The following NAPEPLD variants were observed in gnomAD, a reference collection of about 807,000 sequenced individuals.
NAPEPLD encodes N-acyl-phosphatidylethanolamine-hydrolyzing phospholipase D.
A neutral mutation model predicts 38.1 loss-of-function variants in NAPEPLD; 23 were observed. The ratio of observed to expected loss-of-function variants is 0.60; its 90% confidence interval spans 0.43 to 0.86. The LOEUF (loss-of-function observed/expected upper bound fraction) is 0.86, where lower values mean the gene tolerates loss of function less well. Among genes scored for constraint, NAPEPLD ranks in the 40% least tolerant of loss-of-function variants. NAPEPLD has a pLI of 0.00. For missense variants in NAPEPLD, 411 were observed against 476.8 expected, an observed-to-expected ratio of 0.86 and a Z score of 1.28; for synonymous variants, 147 against 162.0, an observed-to-expected ratio of 0.91 and a Z score of 0.71.
chr7:103,149,542 GCCA>G, upstream of NAPEPLD: 1 of 1,215,004 alleles, frequency 8.2e-7, no homozygotes, highest in Non-Finnish European at 1.1e-6. Context: ...TGACAGCAGG[GCCA>G]GCGGTGGCCT....
At chr7:103,132,061 T>G (rs752119341) in intron 1 of NAPEPLD, among the ~76,000 whole-genome samples, 86 of 152,206 alleles carry the variant, frequency 5.7e-4, no homozygotes, top group Admixed American at 1.4e-3. Context: ...TTGCGGAGAC[T>G]CCGTCTAAAA....
chr7:103,112,755 A>T (rs1241368362), intron 4 of NAPEPLD, among the ~76,000 whole-genome samples: 1 of 152,224 alleles, frequency 6.6e-6, no homozygotes, highest in Middle Eastern at 3.4e-3. Flanking sequence ...AGTATAATAA[A>T]AAAAAAAAGA....
At chr7:103,138,811 A>G (rs1810622638) in intron 1 of NAPEPLD, among the ~76,000 whole-genome samples, 1 of 152,172 alleles carries the variant, frequency 6.6e-6, no homozygotes, top group African/African-American at 2.4e-5. Flanking sequence ...ATTGAGACTC[A>G]CTTTCATTCA....
chr7:103,119,879 C>T lies in NAPEPLD; in HGVS notation c.639G>A (p.Leu213=). ...ATTTTTGCATCCAGTCAAGGAGACC[C>T]AAAGGCACAAACCATCTCAACTCAT... ...FGNELRWFVP[L]GLLDWMQKCG... is the part of the protein sequence containing the mutation. The change falls in exon 3 of 5, where the codon TTG becomes TTA. Residue 213 remains leucine (L), a synonymous_variant. Coordinates refer to ENST00000465647, the MANE Select transcript of NAPEPLD (RefSeq NM_001122838.3). The T allele has an allele frequency of 6.2e-7, 1 of 1,614,194 alleles. No homozygotes were observed.
rs1464457410 is a variant in NAPEPLD, at chr7:103,102,784, T to TA, written c.*644dup. On this transcript the variant is annotated 3_prime_UTR_variant, in exon 5 of 5. Coordinates refer to ENST00000465647, the MANE Select transcript of NAPEPLD (RefSeq NM_001122838.3). ...AAAAATGGTTAAAATGGTAAATGTT[T>TA]AAAATGGCAAATATGTATTTATATA... 6.6e-6 allele frequency: 1 copy of TA among 152,648 alleles called. No homozygotes were observed. Among genetic ancestry groups the TA allele is most frequent in the Admixed American group, 6.5e-5 (1 of 15,284 alleles). The allele number at this position is 152,648 out of a possible 1,614,324, so 9.5% of individuals were successfully genotyped here. A position where few individuals can be genotyped will look rare whatever the true frequency, so the allele number is the denominator to read the frequency against.
chr7:103,142,694 C>G (rs1811677900), intron 1 of NAPEPLD, among the ~76,000 whole-genome samples: 1 of 152,180 alleles, frequency 6.6e-6, no homozygotes, highest in Admixed American at 6.5e-5. Context: ...GAAATATAAT[C>G]AGTAATGATT....
At chr7:103,132,073 G>C (rs1809072128) in intron 1 of NAPEPLD, among the ~76,000 whole-genome samples, 1 of 152,106 alleles carries the variant, frequency 6.6e-6, no homozygotes, top group South Asian at 2.1e-4. Context: ...CGTCTAAAAA[G>C]AAAATGATGT....
intron 4 of NAPEPLD, among the ~76,000 whole-genome samples, chr7:103,113,170 G>A (rs1003208761): frequency 6.6e-6 from 1 of 152,098 alleles, no homozygotes; most frequent in Non-Finnish European, 1.5e-5. Flanking sequence ...GTGCATACAC[G>A]CACACATATA....
At chr7:103,137,553 T>C (rs1051868172) in intron 1 of NAPEPLD, among the ~76,000 whole-genome samples, 1 of 152,158 alleles carries the variant, frequency 6.6e-6, no homozygotes, top group Admixed American at 6.5e-5. Context: ...TGAAATAACA[T>C]AGTTATCATC....
intron 4 of NAPEPLD, among the ~76,000 whole-genome samples, chr7:103,105,343 G>A (rs762392451): frequency 6.6e-6 from 1 of 151,890 alleles, no homozygotes; most frequent in Non-Finnish European, 1.5e-5. Flanking sequence ...CACACAACTC[G>A]TAAATTCCTA....
At chr7:103,108,340 A>G (rs1009741498) in intron 4 of NAPEPLD, among the ~76,000 whole-genome samples, 6 of 152,050 alleles carry the variant, frequency 3.9e-5, no homozygotes, top group African/African-American at 9.7e-5. Flanking sequence ...ACGGGGTTTC[A>G]CCATGTTGGT....
chr7:103,139,717 G>A lies in NAPEPLD; in HGVS notation c.-17+9094C>T, dbSNP rs564992140. On this transcript the variant is annotated intron_variant, in intron 1 of 4. Coordinates refer to ENST00000465647, the MANE Select transcript of NAPEPLD (RefSeq NM_001122838.3). ...TTATTCTGCCCGCAGTGTCATGCGT[G>A]GTCCATCCTCTGGGAGAAAAATGAC... Among the ~76,000 whole-genome samples the A allele has an allele frequency of 5.9e-5, 9 of 152,272 alleles. No homozygotes were observed. The South Asian group carries it at 1.9e-3, about 32-fold the overall frequency.
In NAPEPLD at chr7:103,140,479, G is replaced by A. The variant is rs1260304579; in HGVS notation, c.-17+8332C>T. On this transcript the variant is annotated intron_variant, in intron 1 of 4. Transcript: ENST00000465647. ...GTGATCTCGGCTCACTGCAAGCTCCGCCTCCCGGGTTCACGTCATTCTCCT... is the reference window on the plus strand; with the variant it reads ...GTGATCTCGGCTCACTGCAAGCTCCACCTCCCGGGTTCACGTCATTCTCCT... Among the ~76,000 whole-genome samples the A allele has an allele frequency of 7.5e-5, 10 of 133,886 alleles. No homozygotes were observed. The South Asian group carries it at 1.9e-3, about 26-fold the overall frequency. The allele number at this position is 133,886 out of a possible 152,430, so 87.8% of individuals were successfully genotyped here. A position where few individuals can be genotyped will look rare whatever the true frequency, so the allele number is the denominator to read the frequency against.
chr7:103,129,533 A>G (rs1808505220), intron 1 of NAPEPLD, among the ~76,000 whole-genome samples: 1 of 152,220 alleles, frequency 6.6e-6, no homozygotes, highest in Non-Finnish European at 1.5e-5. Context: ...CAAGTCGAAT[A>G]TATACACCAC....
At chr7:103,104,719 T>C (rs558055846) in intron 4 of NAPEPLD, among the ~76,000 whole-genome samples, 2 of 152,358 alleles carry the variant, frequency 1.3e-5, no homozygotes, top group Admixed American at 6.5e-5. Context: ...TTTTAGTCTA[T>C]TTTATATATA....
chr7:103,103,407 A>G lies in NAPEPLD; in HGVS notation c.*22T>C, dbSNP rs755353044. The stretch of plus-strand genomic sequence containing the variant: ...AACTTAGATGATGCCTTTTTCATTA[A>G]AAGTGCCTGTGCTCACATTTATTAA... On this transcript the variant is annotated 3_prime_UTR_variant, in exon 5 of 5. Coordinates refer to ENST00000465647, the MANE Select transcript of NAPEPLD (RefSeq NM_001122838.3). The G allele has an allele frequency of 2.6e-6, 4 of 1,522,152 alleles. No individual in the cohort carries two copies. The highest frequency in any genetic ancestry group is 2.4e-5 in the East Asian group (1 of 41,004). 94.3% of individuals were successfully genotyped at this position (1,522,152 alleles called of 1,614,324 possible).
chr7:103,128,472 C>G lies in NAPEPLD; in HGVS notation c.294+11G>C. ...AGCAAATATAAAGCACTCAAAAAAGCCAAGCGCTACCTCTTTAGAACTTGG... is the reference window on the plus strand; with the variant it reads ...AGCAAATATAAAGCACTCAAAAAAGGCAAGCGCTACCTCTTTAGAACTTGG... On this transcript the variant is annotated intron_variant, in intron 2 of 4. Transcript: ENST00000465647. 6.2e-7 allele frequency: 1 copy of G among 1,612,352 alleles called. No individual in the cohort carries two copies. Among genetic ancestry groups the G allele is most frequent in the African/African-American group, 1.3e-5 (1 of 74,838 alleles).
Position 103,125,890 on chromosome 7 carries a change from A to AAATAATAATAATAATAAT in NAPEPLD, c.294+2575_294+2592dup, listed in dbSNP as rs142799732. Among the ~76,000 whole-genome samples, 735 of 145,350 alleles carry AAATAATAATAATAATAAT rather than the reference A, an allele frequency of 5.1e-3. 8 individuals are homozygous for AAATAATAATAATAATAAT. Among genetic ancestry groups the AAATAATAATAATAATAAT allele is most frequent in the African/African-American group, 0.015 (585 of 39,470 alleles). ...CAAAAAGAGTGAGACTCTGTCTCAA[A>AAATAATAATAATAATAAT]AATAATAATAATAATAATAATAATA... On this transcript the variant is annotated intron_variant, in intron 2 of 4. Coordinates refer to ENST00000465647, the MANE Select transcript of NAPEPLD (RefSeq NM_001122838.3).
chr7:103,100,851 A>T lies in NAPEPLD; in HGVS notation c.*2578T>A, dbSNP rs1484902436. On this transcript the variant is annotated 3_prime_UTR_variant, in exon 5 of 5. Transcript: ENST00000465647. ...AGGTGAGATTCTGTAAGCAGAGATGAAGCTTGATGTTCTTAATGAATAGTG... is the reference window on the plus strand; with the variant it reads ...AGGTGAGATTCTGTAAGCAGAGATGTAGCTTGATGTTCTTAATGAATAGTG... 6.6e-6 allele frequency: 1 copy of T among 152,248 alleles called. No individual in the cohort carries two copies. Among genetic ancestry groups the T allele is most frequent in the East Asian group, 1.9e-4 (1 of 5,204 alleles). 9.4% of individuals were successfully genotyped at this position (152,248 alleles called of 1,614,324 possible). A position where few individuals can be genotyped will look rare whatever the true frequency, so the allele number is the denominator to read the frequency against.
Sources: gnomAD v4.1 joint callset for allele counts (sites outside exome capture counted in the v4.1 genomes callset) on GRCh38, gnomAD v4.1.1 for gene constraint, MANE v1.5 for transcripts, NCBI Gene and HGNC (gene_info 2026-07-23, HGNC 2026-07-21) for gene names.